Variants in ZNF184 observed in about 807,000 individuals in gnomAD.
The protein encoded by ZNF184 is zinc finger protein 184 (Kruppel-like).
In ZNF184, 16 loss-of-function variants were observed where a neutral mutation model predicts 54.4. The ratio of observed to expected loss-of-function variants is 0.29; its 90% CI spans 0.20 to 0.45. The LOEUF is 0.45. ZNF184 is among the 20% of genes least tolerant of loss of function. The pLI is 1.00. For synonymous variants in ZNF184, 254 were observed against 295.3 expected, an observed-to-expected ratio of 0.86 and a Z score of 1.43; for missense variants, 681 against 888.2, an observed-to-expected ratio of 0.77 and a Z score of 2.97.
chr6:27,446,806 C>G (rs769128348), downstream of ZNF184, among the ~76,000 whole-genome samples: 4 of 152,172 alleles, frequency 2.6e-5, no homozygotes, highest in Non-Finnish European at 5.9e-5. Flanking sequence ...ACCCCAACCC[C>G]TAGATGTAGG....
the ZNF184 span, chr6:27,404,384 C>G: frequency 3.3e-5 from 5 of 152,186 alleles, no homozygotes; most frequent in African/African-American, 1.2e-4. Context: ...AGCAGTTTCT[C>G]TGGTGAATAA....
chr6:27,426,297 C>T, the ZNF184 span, among the ~76,000 whole-genome samples: 4 of 152,206 alleles, frequency 2.6e-5, no homozygotes, highest in Admixed American at 2.6e-4. The surrounding 1 kb of genome is among the most constrained non-coding windows in gnomAD (Gnocchi z 4.2). Context: ...TTTTTATTTG[C>T]ATCCCTGGGA....
At chr6:27,459,995 G>A (rs775468831) in intron 3 of ZNF184, among the ~76,000 whole-genome samples, 12 of 152,026 alleles carry the variant, frequency 7.9e-5, no homozygotes, top group Non-Finnish European at 1.5e-4. Context: ...AGACCTCATC[G>A]GCACTAAAGA....
the ZNF184 span, among the ~76,000 whole-genome samples, chr6:27,417,383 T>TG: frequency 5.9e-5 from 9 of 151,316 alleles, no homozygotes; most frequent in African/African-American, 2.2e-4. Flanking sequence ...TAGACAATTC[T>TG]GGTTTTTTTT....
intron 3 of ZNF184, among the ~76,000 whole-genome samples, chr6:27,465,484 CAAAAAA>C (rs60538455): frequency 2.3e-4 from 8 of 35,170 alleles, no homozygotes; most frequent in South Asian, 2.9e-3. Flanking sequence ...GACTCCATCT[CAAAAAA>C]AAAAAAAAAA....
the ZNF184 span, among the ~76,000 whole-genome samples, chr6:27,415,758 TG>T: frequency 6.6e-6 from 1 of 152,232 alleles, no homozygotes; most frequent in Admixed American, 6.5e-5. Flanking sequence ...GTTGGAATCC[TG>T]GTTCTGTCAT....
the ZNF184 span, chr6:27,404,681 A>G: frequency 6.6e-5 from 10 of 152,224 alleles, no homozygotes; most frequent in African/African-American, 1.9e-4. Context: ...TTGTGGTGAT[A>G]CTGGTGTAAA....
the ZNF184 span, among the ~76,000 whole-genome samples, chr6:27,436,867 T>C: frequency 6.6e-6 from 1 of 152,170 alleles, no homozygotes; most frequent in Non-Finnish European, 1.5e-5. Flanking sequence ...CAATGAAACA[T>C]CTGAAAAAGG....
the ZNF184 span, among the ~76,000 whole-genome samples, chr6:27,436,422 C>T: frequency 4.3e-4 from 66 of 152,324 alleles, no homozygotes; most frequent in Admixed American, 1.1e-3. Flanking sequence ...CCTTGGCCTC[C>T]CAAACTGCTG....
At position 27,452,644 on chromosome 6, in the gene ZNF184, T is replaced by C; in HGVS notation, c.915A>G (p.Pro305=). ...CTTTCCCACATTCATCACATTTATA[T>C]GGTTTTTCTCCAGTATGAATTCTTT... ...QHQRIHTGEK[P]YKCDECGKAF... The change falls in exon 6 of 6, where the codon CCA becomes CCG. Residue 305 remains proline (P), a synonymous_variant. Transcript: ENST00000683788. The surrounding 1 kb of genome is among the most constrained non-coding windows in gnomAD (Gnocchi z 5.5). 6.2e-7 allele frequency: 1 copy of C among 1,613,778 alleles called. No homozygotes were observed. The highest frequency in any genetic ancestry group is 8.5e-7 in the Non-Finnish European group (1 of 1,179,918).
rs1762790541 is a variant in ZNF184 at position 27,453,774 on chromosome 6, C to T, written c.299-514G>A. 6.6e-6 allele frequency among the ~76,000 whole-genome samples: 1 copy of T among 152,076 alleles called. No homozygotes were observed. The highest frequency in any genetic ancestry group is 2.1e-4 in the South Asian group (1 of 4,826). ...TGTAAATAGTAGAGAAATAATTTAGCAGGGAGAAACTAACAAGTTCAAGTC... is the reference window on the plus strand; with the variant it reads ...TGTAAATAGTAGAGAAATAATTTAGTAGGGAGAAACTAACAAGTTCAAGTC... On this transcript the variant is annotated intron_variant, in intron 5 of 5. Transcript: ENST00000683788. The surrounding 1 kb of genome is among the most constrained non-coding windows in gnomAD (Gnocchi z 4.7).
At chr6:27,428,711 C>T in the ZNF184 span, among the ~76,000 whole-genome samples, 2 of 152,148 alleles carry the variant, frequency 1.3e-5, no homozygotes, top group African/African-American at 4.8e-5. The surrounding 1 kb of genome is among the most constrained non-coding windows in gnomAD (Gnocchi z 4.1). Flanking sequence ...CTCAGGAAAC[C>T]CACGTTTCTA....
the ZNF184 span, among the ~76,000 whole-genome samples, chr6:27,418,307 G>A: frequency 6.6e-6 from 1 of 152,164 alleles, no homozygotes; most frequent in African/African-American, 2.4e-5. Context: ...TATGCTCCTG[G>A]GTGGACTCCA....
the ZNF184 span, among the ~76,000 whole-genome samples, chr6:27,420,731 A>AG: frequency 2.0e-5 from 3 of 152,346 alleles, no homozygotes; most frequent in East Asian, 5.8e-4. Context: ...TGTGGAAGAC[A>AG]GGTCAGTGGT....
At chr6:27,459,255 G>C (rs2113721910) in intron 3 of ZNF184, among the ~76,000 whole-genome samples, 1 of 152,146 alleles carries the variant, frequency 6.6e-6, no homozygotes, top group African/African-American at 2.4e-5. Flanking sequence ...ACACAAAGAA[G>C]TGATAAATGT....
At chr6:27,412,346 C>T in the ZNF184 span, among the ~76,000 whole-genome samples, 40 of 152,306 alleles carry the variant, frequency 2.6e-4, no homozygotes, top group African/African-American at 9.1e-4. Context: ...GCCTTCCCTA[C>T]TGTCAGGAGC....
chr6:27,463,549 G>T (rs1763053407), intron 3 of ZNF184, among the ~76,000 whole-genome samples: 1 of 151,648 alleles, frequency 6.6e-6, no homozygotes, highest in South Asian at 2.1e-4. Flanking sequence ...AGATGAGAGG[G>T]GACCAGAAAT....
rs775492552 is a variant in ZNF184 at position 27,472,262 on chromosome 6, G to A, written c.7+26C>T. The A allele has an allele frequency of 1.7e-5, 27 of 1,613,130 alleles. No individual in the cohort carries two copies. Among genetic ancestry groups the A allele is most frequent in the Non-Finnish European group, 2.1e-5 (25 of 1,179,554 alleles). On this transcript the variant is annotated intron_variant, in intron 2 of 5. Coordinates refer to ENST00000683788, the MANE Select transcript of ZNF184 (RefSeq NM_001318891.2). The surrounding 1 kb of genome is among the most constrained non-coding windows in gnomAD (Gnocchi z 4.8). ...ACTGTTCTCAAGCCTCCATCACCCC[G>A]CTCTCCCCCAAGTCGACCCCACTAC...
the ZNF184 span, among the ~76,000 whole-genome samples, chr6:27,422,775 C>A: frequency 1.3e-5 from 2 of 152,154 alleles, no homozygotes; most frequent in Non-Finnish European, 2.9e-5. Flanking sequence ...CGCCCAAACC[C>A]GATACACTGA....
Sources: gnomAD v4.1 joint callset for allele counts (sites outside exome capture counted in the v4.1 genomes callset) on GRCh38, gnomAD v4.1.1 for gene constraint, Gnocchi (gnomAD v3.1) non-coding constraint, MANE v1.5 for transcripts, NCBI Gene and HGNC (gene_info 2026-07-23, HGNC 2026-07-21) for gene names.